SLC4A4: variants seen among roughly 807,000 people sequenced by gnomAD.
SLC4A4 encodes the protein solute carrier family 4 member 4.
A neutral mutation model predicts 111.5 loss-of-function variants in SLC4A4; 27 were observed. That is an observed-to-expected ratio of 0.24 (90% CI 0.18 to 0.33). The LOEUF (loss-of-function observed/expected upper bound fraction) is 0.33. Among genes scored for constraint, SLC4A4 ranks in the 10% least tolerant of loss-of-function variants. The pLI, the probability that SLC4A4 is intolerant of heterozygous loss-of-function variation, is 1.00. For synonymous variants in SLC4A4, 443 were observed against 463.4 expected (o/e 0.96, Z 0.57); for missense variants, 909 against 1,315.5 (o/e 0.69, Z 4.78).
intron 6 of SLC4A4, among the ~76,000 whole-genome samples, chr4:71,366,406 G>T (rs1374476898): frequency 6.8e-6 from 1 of 147,632 alleles, no homozygotes; most frequent in Non-Finnish European, 1.5e-5. Context: ...ACAGATTTAG[G>T]ATTGATGGTT....
chr4:71,080,925 A>G (rs1052822621), intron 1 of SLC4A4, among the ~76,000 whole-genome samples: 15 of 152,124 alleles, frequency 9.9e-5, no homozygotes. Flanking sequence ...CACAAAATAC[A>G]TAAGTGGAAA....
At chr4:71,153,059 A>ATATATATATATATAAAT (rs1553956936) in intron 2 of SLC4A4, among the ~76,000 whole-genome samples, 3 of 148,158 alleles carry the variant, frequency 2.0e-5, no homozygotes, top group Non-Finnish European at 3.0e-5. Context: ...ATATAAAAAT[A>ATATATATATATATAAAT]AAAGGAAGTT....
chr4:71,278,228 A>G lies in SLC4A4; in HGVS notation c.253+22829A>G, dbSNP rs137898143. ...TTTCTCTTTCTTACTTATTTCACTT[A>G]GCACAACGTCCTCAAAGTTTATTCA... is the stretch of plus-strand genomic sequence containing the variant. On this transcript the variant is annotated intron_variant, in intron 3 of 25. Transcript: ENST00000264485. 4.4e-3 allele frequency among the ~76,000 whole-genome samples: 665 copies of G among 152,106 alleles called. 5 individuals carry two copies. Among genetic ancestry groups the G allele is most frequent in the Non-Finnish European group, 6.9e-3 (471 of 68,018 alleles).
intron 2 of SLC4A4, among the ~76,000 whole-genome samples, chr4:71,252,966 T>G (rs771785583): frequency 1.3e-5 from 2 of 152,176 alleles, no homozygotes; most frequent in African/African-American, 2.4e-5. Flanking sequence ...GAACAACATT[T>G]CTGCTTGACC....
At chr4:71,107,199 C>A (rs1203769554) in intron 2 of SLC4A4, among the ~76,000 whole-genome samples, 1 of 152,000 alleles carries the variant, frequency 6.6e-6, no homozygotes, top group South Asian at 2.1e-4. Context: ...CAATCTCTGT[C>A]TTTGGGGAAT....
chr4:71,357,210 G>C (rs1376711396), intron 6 of SLC4A4, 23 bp downstream of exon 6: 9 of 1,605,700 alleles, frequency 5.6e-6, no homozygotes, highest in South Asian at 1.1e-5. Flanking sequence ...CCAGCTGGCT[G>C]CTGCTTTCTC....
At chr4:71,513,843 G>C (rs560568212) in intron 16 of SLC4A4, among the ~76,000 whole-genome samples, 1 of 152,232 alleles carries the variant, frequency 6.6e-6, no homozygotes, top group Admixed American at 6.5e-5. Flanking sequence ...ATCATGAAAG[G>C]ATGTTGTATT....
chr4:71,497,295 C>T (rs1042094704), intron 15 of SLC4A4, among the ~76,000 whole-genome samples: 4 of 152,082 alleles, frequency 2.6e-5, no homozygotes, highest in African/African-American at 9.7e-5. Context: ...TTGCATCATT[C>T]TCATTGTATT....
At chr4:71,160,235 A>T (rs1236656761) in intron 2 of SLC4A4, among the ~76,000 whole-genome samples, 4 of 152,160 alleles carry the variant, frequency 2.6e-5, no homozygotes, top group Non-Finnish European at 4.4e-5. Context: ...CTCATGACCC[A>T]ATACTCTCTC....
rs140992053 is a variant in SLC4A4, at chr4:71,462,531, C to T, written c.1498-3913C>T. ...TCAAGCAATTCTCCTGCCTCAGCCT[C>T]CTGAGTAGCTGGGACTACAGGTGTG... On this transcript the variant is annotated intron_variant, in intron 12 of 25. Coordinates refer to ENST00000264485, the MANE Select transcript of SLC4A4 (RefSeq NM_001098484.3). Among the ~76,000 whole-genome samples the T allele has an allele frequency of 1.0e-3, 153 of 151,406 alleles. 1 individual carries two copies. The highest frequency in any genetic ancestry group is 3.6e-3 in the African/African-American group (147 of 41,220).
chr4:71,381,691 C>T (rs1718155665), intron 6 of SLC4A4, among the ~76,000 whole-genome samples: 1 of 152,142 alleles, frequency 6.6e-6, no homozygotes, highest in Non-Finnish European at 1.5e-5. Flanking sequence ...TTAAGGCAGA[C>T]ACAGTCCCTA....
chr4:71,563,005 A>G (rs1328356394), intron 23 of SLC4A4, among the ~76,000 whole-genome samples: 1 of 151,750 alleles, frequency 6.6e-6, no homozygotes, highest in Non-Finnish European at 1.5e-5. Flanking sequence ...CAGCCCAAAC[A>G]TAGACTTGGA....
At chr4:71,529,398 G>C (rs1385060346) in intron 16 of SLC4A4, among the ~76,000 whole-genome samples, 1 of 151,898 alleles carries the variant, frequency 6.6e-6, no homozygotes, top group Non-Finnish European at 1.5e-5. Flanking sequence ...AGATCTTTCA[G>C]GGCATTTTCT....
chr4:71,491,450 C>T (rs139985959), intron 15 of SLC4A4, among the ~76,000 whole-genome samples: 37 of 152,012 alleles, frequency 2.4e-4, no homozygotes, highest in African/African-American at 8.9e-4. Context: ...ATGTTCTTCT[C>T]ATGTCTGCAT....
intron 7 of SLC4A4, among the ~76,000 whole-genome samples, chr4:71,436,088 G>T (rs1007554540): frequency 6.6e-6 from 1 of 152,088 alleles, no homozygotes; most frequent in African/African-American, 2.4e-5. Context: ...AAATCATTCT[G>T]CTATAAAGAC....
At chr4:71,412,975 T>C (rs577848718) in intron 7 of SLC4A4, among the ~76,000 whole-genome samples, 1 of 152,316 alleles carries the variant, frequency 6.6e-6, no homozygotes, top group African/African-American at 2.4e-5. Context: ...CAGGTCAATA[T>C]GTCAGTTAAG....
At chr4:71,222,313 G>A (rs752438173) in intron 1 of SLC4A4, among the ~76,000 whole-genome samples, 2 of 152,160 alleles carry the variant, frequency 1.3e-5, no homozygotes, top group African/African-American at 2.4e-5. Flanking sequence ...ATAACTGCAA[G>A]TCTCACTTCC....
At position 71,338,962 on chromosome 4, in the gene SLC4A4, G is replaced by T. The variant is rs756167545; in HGVS notation, c.254-408G>T. ...GGACTTGGGGGATCTCAGGATTGGG[G>T]TACTTTGTTGTCCCTCCCACTGCTG... On this transcript the variant is annotated intron_variant, in intron 3 of 25. Coordinates refer to ENST00000264485, the MANE Select transcript of SLC4A4 (RefSeq NM_001098484.3). The T allele has an allele frequency of 5.9e-5, 54 of 913,224 alleles. No homozygotes were observed. The East Asian group carries it at 1.5e-3, about 25-fold the overall frequency. The allele number at this position is 913,224 out of a possible 1,614,324, so 56.6% of individuals were successfully genotyped here.
chr4:71,490,606 G>A (rs770228158), intron 15 of SLC4A4, among the ~76,000 whole-genome samples: 4 of 151,794 alleles, frequency 2.6e-5, no homozygotes, highest in Admixed American at 6.6e-5. Flanking sequence ...TCTCAGCTCT[G>A]CTTCTCTGCC....
Sources: gnomAD v4.1 joint callset for allele counts (sites outside exome capture counted in the v4.1 genomes callset) on GRCh38, gnomAD v4.1.1 for gene constraint, MANE v1.5 for transcripts, NCBI Gene and HGNC (gene_info 2026-07-23, HGNC 2026-07-21) for gene names.